The following GLIS3 variants were observed in gnomAD, a reference collection of about 807,000 sequenced individuals.
GLIS3 encodes the protein GLIS family zinc finger 3.
Under a neutral mutation model 78.6 loss-of-function variants are expected in GLIS3, and 53 were observed. That is an observed-to-expected ratio of 0.67 (90% CI 0.54 to 0.85). The LOEUF (loss-of-function observed/expected upper bound fraction) is 0.85, where lower values mean the gene tolerates loss of function less well. Among genes scored for constraint, GLIS3 ranks in the 40% least tolerant of loss-of-function variants. GLIS3 has a pLI of 0.00. For missense variants in GLIS3, 1,703 were observed against 1,231.1 expected (o/e 1.38, Z -5.74); for synonymous variants, 684 against 509.9 (o/e 1.34, Z -4.60).
intron 2 of GLIS3, among the ~76,000 whole-genome samples, chr9:4,219,912 G>A (rs928746087): frequency 6.6e-6 from 1 of 152,124 alleles, no homozygotes; most frequent in Non-Finnish European, 1.5e-5. Context: ...TCAGATCTTG[G>A]TTTCTAAATA....
chr9:4,082,408 T>C (rs1035209339), intron 4 of GLIS3, among the ~76,000 whole-genome samples: 1 of 152,188 alleles, frequency 6.6e-6, no homozygotes, highest in South Asian at 2.1e-4. Context: ...AAATAAACTT[T>C]TAAAGAAATT....
intron 2 of GLIS3, among the ~76,000 whole-genome samples, chr9:4,342,306 C>A (rs536032695): frequency 6.6e-6 from 1 of 152,166 alleles, no homozygotes; most frequent in Non-Finnish European, 1.5e-5. Context: ...ATCTTCTGCA[C>A]GCGGCTAGCC....
chr9:4,125,568 T>A (rs2130912167), intron 3 of GLIS3, among the ~76,000 whole-genome samples, 166 bp downstream of exon 3: 1 of 152,250 alleles, frequency 6.6e-6, no homozygotes, highest in South Asian at 2.1e-4. Flanking sequence ...GGCACATACT[T>A]AGTTTTAGAC....
rs933758360 is a variant in GLIS3 at position 4,148,145 on chromosome 9, G to A, written c.389-22204C>T. On this transcript the variant is annotated intron_variant, in intron 2 of 10. Coordinates refer to ENST00000381971, the MANE Select transcript of GLIS3 (RefSeq NM_001042413.2). ...AGTTAACATTTAACTTGAACACCAGGAATGCTTGAGCTCTTAATCCCTCCC... is the reference window on the plus strand; with the variant it reads ...AGTTAACATTTAACTTGAACACCAGAAATGCTTGAGCTCTTAATCCCTCCC... Among the ~76,000 whole-genome samples, 13 of 152,170 alleles carry A rather than the reference G, an allele frequency of 8.5e-5. No individual in the cohort carries two copies. The South Asian group carries it at 2.5e-3, about 29-fold the overall frequency.
At chr9:4,395,199 A>T in the GLIS3 span, among the ~76,000 whole-genome samples, 7 of 152,336 alleles carry the variant, frequency 4.6e-5, no homozygotes, top group African/African-American at 1.7e-4. Flanking sequence ...GTAATTCAGC[A>T]TATTAAACTC....
chr9:4,424,927 A>G, the GLIS3 span, among the ~76,000 whole-genome samples: 2 of 152,048 alleles, frequency 1.3e-5, no homozygotes, highest in South Asian at 2.1e-4. Context: ...TTTGTGGCCA[A>G]CGTGTTCTGG....
intron 4 of GLIS3, among the ~76,000 whole-genome samples, chr9:3,954,936 G>A (rs1816990196): frequency 6.6e-6 from 1 of 152,122 alleles, no homozygotes; most frequent in African/African-American, 2.4e-5. Flanking sequence ...TTCAGACAAT[G>A]GTGCACATGG....
At chr9:4,396,748 C>G in the GLIS3 span, among the ~76,000 whole-genome samples, 1 of 152,144 alleles carries the variant, frequency 6.6e-6, no homozygotes, top group African/African-American at 2.4e-5. Context: ...TCAGGAGATT[C>G]CAGGACATAC....
At chr9:4,185,584 G>A (rs1299652864) in intron 2 of GLIS3, among the ~76,000 whole-genome samples, 1 of 152,174 alleles carries the variant, frequency 6.6e-6, no homozygotes, top group Non-Finnish European at 1.5e-5. Flanking sequence ...TAAGGAAGCA[G>A]ATGGCACATT....
At chr9:3,992,797 A>C (rs1408013339) in intron 4 of GLIS3, among the ~76,000 whole-genome samples, 1 of 152,230 alleles carries the variant, frequency 6.6e-6, no homozygotes, top group African/African-American at 2.4e-5. Flanking sequence ...AAGATCAGAC[A>C]GTGTGACATC....
intron 1 of GLIS3, among the ~76,000 whole-genome samples, chr9:4,292,782 C>G (rs1816133165): frequency 6.6e-6 from 1 of 152,194 alleles, no homozygotes; most frequent in Admixed American, 6.5e-5. Flanking sequence ...AAACTCCCCT[C>G]TTACACTGCT....
At chr9:4,343,413 T>C (rs1408400195) in intron 2 of GLIS3, among the ~76,000 whole-genome samples, 1 of 152,066 alleles carries the variant, frequency 6.6e-6, no homozygotes, top group Non-Finnish European at 1.5e-5. Context: ...GGTAAAAAAA[T>C]AACATGCTGC....
At chr9:4,486,242 T>A in the GLIS3 span, among the ~76,000 whole-genome samples, 1 of 152,156 alleles carries the variant, frequency 6.6e-6, no homozygotes, top group Non-Finnish European at 1.5e-5. Context: ...AAGGTCTCTC[T>A]GACTTCCCCT....
At chr9:4,234,452 T>C (rs563664030) in intron 2 of GLIS3, among the ~76,000 whole-genome samples, 2 of 152,308 alleles carry the variant, frequency 1.3e-5, no homozygotes, top group East Asian at 1.9e-4. Flanking sequence ...ACAGTCAGAA[T>C]ACACACAACA....
chr9:4,357,373 C>G, the GLIS3 span, among the ~76,000 whole-genome samples: 193 of 152,306 alleles, frequency 1.3e-3, 1 homozygote, highest in African/African-American at 4.3e-3. Flanking sequence ...AGAATCCCCT[C>G]TCTGACTGTT....
chr9:3,901,727 C>G (rs188494214), intron 6 of GLIS3, among the ~76,000 whole-genome samples: 16 of 152,318 alleles, frequency 1.1e-4, no homozygotes, highest in Admixed American at 7.8e-4. Context: ...TGAGACATCA[C>G]TTTGTTGTAA....
chr9:3,906,054 G>A (rs577268081), intron 6 of GLIS3, among the ~76,000 whole-genome samples: 1 of 152,334 alleles, frequency 6.6e-6, no homozygotes, highest in South Asian at 2.1e-4. Flanking sequence ...AAACTGATGG[G>A]TTCTGAAAAC....
chr9:4,156,783 A>T lies in GLIS3; in HGVS notation c.389-30842T>A, dbSNP rs141345008. Among the ~76,000 whole-genome samples the T allele has an allele frequency of 7.8e-3, 1,191 of 152,258 alleles. 53 individuals carry two copies. The highest frequency in any genetic ancestry group is 0.068 in the Admixed American group (1,034 of 15,290). On this transcript the variant is annotated intron_variant, in intron 2 of 10. Transcript: ENST00000381971. The stretch of plus-strand genomic sequence containing the variant: ...CCTGGATATGCTGAAGAACAGAAAC[A>T]ACCCTTAAGGAACAAAAGGGTATAT...
At chr9:4,485,184 T>C in the GLIS3 span, among the ~76,000 whole-genome samples, 86 of 152,016 alleles carry the variant, frequency 5.7e-4, 2 homozygotes, top group Admixed American at 4.5e-3. Flanking sequence ...CCAGCTAATT[T>C]TTGTATTTTT....
Sources: allele counts gnomAD v4.1 joint callset (sites outside exome capture counted in the v4.1 genomes callset), GRCh38; gene constraint gnomAD v4.1.1; transcripts MANE v1.5; gene names NCBI Gene and HGNC (gene_info 2026-07-23, HGNC 2026-07-21).